The following GLI2 variants were observed in gnomAD, a reference collection of about 807,000 sequenced individuals.
GLI2 encodes transcription activator GLI2.
Under a neutral mutation model 78.9 loss-of-function variants are expected in GLI2, and 22 were observed. The observed-to-expected ratio is 0.28, with a 90% confidence interval of 0.20 to 0.40. The LOEUF is 0.40. Ranked by LOEUF, GLI2 falls within the 10% of genes least tolerant of loss-of-function variation. The pLI is 1.00. For missense variants in GLI2, 2,097 were observed against 2,213.2 expected (o/e 0.95, Z 1.05); for synonymous variants, 974 against 963.7 (o/e 1.01, Z -0.20).
Position 120,992,050 on chromosome 2 carries a change from A to ACACACACACCC in GLI2, c.*1376_*1377insACACACACCCC, listed in dbSNP as rs1553480327. ...CACACACACACACACACACACACAC[A>ACACACACACCC]CCCCAAACCTTTTCATGGGGAATGT... On this transcript the variant is annotated 3_prime_UTR_variant, in exon 14 of 14. Coordinates refer to ENST00000361492, the MANE Select transcript of GLI2 (RefSeq NM_001374353.1). 1 of 146,900 alleles carries ACACACACACCC rather than the reference A, an allele frequency of 6.8e-6. No homozygotes were observed. The highest frequency in any genetic ancestry group is 1.5e-5 in the Non-Finnish European group (1 of 67,406). The allele number at this position is 146,900 out of a possible 1,614,324, so 9.1% of individuals were successfully genotyped here. A position where few individuals can be genotyped will look rare whatever the true frequency, so the allele number is the denominator to read the frequency against.
intron 2 of GLI2, among the ~76,000 whole-genome samples, chr2:120,923,633 A>G (rs1349415363): frequency 6.6e-6 from 1 of 152,148 alleles, no homozygotes. Flanking sequence ...CCACATGCAC[A>G]TACACAGCAA....
chr2:120,813,308 G>A lies in GLI2; in HGVS notation c.148+15840G>A, dbSNP rs984962793. 6.7e-4 allele frequency among the ~76,000 whole-genome samples: 102 copies of A among 152,240 alleles called. 5 individuals are homozygous for A. Among genetic ancestry groups the A allele is most frequent in the Non-Finnish European group, 1.2e-4 (8 of 68,042 alleles). On this transcript the variant is annotated intron_variant, in intron 2 of 13. Transcript: ENST00000361492. ...TGCATTGCTTTGGGGAAGAAGGGAA[G>A]GCAAGAACCCCCTTTGAAATCTTTT...
intron 2 of GLI2, among the ~76,000 whole-genome samples, chr2:120,809,381 T>C (rs1685122223): frequency 6.6e-6 from 1 of 152,204 alleles, no homozygotes; most frequent in African/African-American, 2.4e-5. Flanking sequence ...TGGGGAATGA[T>C]TGCTATGGGC....
In GLI2 at chr2:120,858,532, C is replaced by T. The variant is rs1308137759; in HGVS notation, c.148+61064C>T. ...CCCTTGTCCTGTCTCATCCTCTTGG[C>T]CACCGGCCTGCTAGTCCCCTGGGCA... On this transcript the variant is annotated intron_variant, in intron 2 of 13. Transcript: ENST00000361492. Among the ~76,000 whole-genome samples the T allele has an allele frequency of 3.9e-5, 6 of 152,230 alleles. No individual in the cohort carries two copies. In the East Asian group the frequency reaches 9.6e-4, roughly 24 times the overall value.
chr2:120,845,758 A>C (rs1014341284), intron 2 of GLI2, among the ~76,000 whole-genome samples: 4 of 152,184 alleles, frequency 2.6e-5, no homozygotes, highest in African/African-American at 7.2e-5. Context: ...TTCTGTGGCA[A>C]ATCATCCACT....
chr2:120,826,082 C>T (rs1686042987), intron 2 of GLI2, among the ~76,000 whole-genome samples: 1 of 151,672 alleles, frequency 6.6e-6, no homozygotes, highest in African/African-American at 2.4e-5. Flanking sequence ...TGGGCCGTGG[C>T]CAGGCTCTGT....
At chr2:120,850,744 G>A (rs1400082266) in intron 2 of GLI2, among the ~76,000 whole-genome samples, 1 of 152,186 alleles carries the variant, frequency 6.6e-6, no homozygotes, top group Non-Finnish European at 1.5e-5. Flanking sequence ...TGCCTTTGGA[G>A]GATCGGGAGC....
intron 2 of GLI2, among the ~76,000 whole-genome samples, chr2:120,831,206 GC>G (rs1261473888): frequency 1.3e-5 from 2 of 152,080 alleles, no homozygotes; most frequent in Non-Finnish European, 2.9e-5. Context: ...TGGGAGGTTG[GC>G]CCTGTCCCGA....
At chr2:120,812,917 C>G (rs1365289017) in intron 2 of GLI2, among the ~76,000 whole-genome samples, 2 of 152,188 alleles carry the variant, frequency 1.3e-5, no homozygotes, top group African/African-American at 2.4e-5. Flanking sequence ...TCTCTTCTTT[C>G]TGTGTGTCCC....
At chr2:120,783,683 G>A (rs1683912521) in intron 1 of GLI2, among the ~76,000 whole-genome samples, 1 of 152,098 alleles carries the variant, frequency 6.6e-6, no homozygotes, top group East Asian at 1.9e-4. Flanking sequence ...AGCGGTAACA[G>A]CCAGGGACAG....
At chr2:120,905,138 T>G (rs1678457651) in intron 2 of GLI2, among the ~76,000 whole-genome samples, 1 of 152,130 alleles carries the variant, frequency 6.6e-6, no homozygotes, top group African/African-American at 2.4e-5. Flanking sequence ...TAGCAGTCAT[T>G]TCTGGCAGCC....
At chr2:120,906,888 C>G (rs1227359625) in intron 2 of GLI2, among the ~76,000 whole-genome samples, 1 of 152,176 alleles carries the variant, frequency 6.6e-6, no homozygotes, top group Non-Finnish European at 1.5e-5. Flanking sequence ...TGCACCCCTC[C>G]CTCCTTGCCG....
intron 3 of GLI2, among the ~76,000 whole-genome samples, chr2:120,937,837 G>A (rs1219330751): frequency 1.3e-5 from 2 of 152,218 alleles, no homozygotes; most frequent in African/African-American, 4.8e-5. Flanking sequence ...CACTTTGGCA[G>A]GCTGGGCCAG....
intron 1 of GLI2, among the ~76,000 whole-genome samples, chr2:120,743,429 C>A (rs1682610359): frequency 1.3e-5 from 2 of 152,010 alleles, no homozygotes; most frequent in Admixed American, 6.6e-5. Flanking sequence ...CATAGCGATA[C>A]CCTGTCTCTA....
chr2:120,837,191 G>C (rs770723351), intron 2 of GLI2, among the ~76,000 whole-genome samples: 3 of 151,994 alleles, frequency 2.0e-5, no homozygotes, highest in African/African-American at 4.8e-5. Flanking sequence ...TCAGGAGATC[G>C]AGACCATCCT....
chr2:120,882,727 C>T (rs939368558), intron 2 of GLI2, among the ~76,000 whole-genome samples: 2 of 152,230 alleles, frequency 1.3e-5, no homozygotes, highest in African/African-American at 2.4e-5. Flanking sequence ...ACCACTTCAT[C>T]TTCCTTGCCC....
chr2:120,863,493 T>G (rs1417785331), intron 2 of GLI2, among the ~76,000 whole-genome samples: 1 of 152,228 alleles, frequency 6.6e-6, no homozygotes, highest in Non-Finnish European at 1.5e-5. Flanking sequence ...GAACACACAG[T>G]TCTTTATTCT....
intron 2 of GLI2, among the ~76,000 whole-genome samples, chr2:120,856,258 G>T (rs1687640093): frequency 6.6e-6 from 1 of 152,190 alleles, no homozygotes; most frequent in African/African-American, 2.4e-5. Flanking sequence ...AGGGCAGGGG[G>T]TGCCCACCTC....
intron 13 of GLI2, among the ~76,000 whole-genome samples, chr2:120,987,754 G>A (rs1260674997): frequency 2.0e-5 from 3 of 152,248 alleles, no homozygotes; most frequent in Admixed American, 6.5e-5. Flanking sequence ...TCAGTCCTAC[G>A]GAGAGGCACA....
Sources: gnomAD v4.1 joint callset for allele counts (sites outside exome capture counted in the v4.1 genomes callset) on GRCh38, gnomAD v4.1.1 for gene constraint, MANE v1.5 for transcripts, NCBI Gene and HGNC (gene_info 2026-07-23, HGNC 2026-07-21) for gene names.